Variants in VRK2 observed in about 807,000 individuals in gnomAD.
VRK2 encodes the protein serine/threonine-protein kinase VRK2.
Under a neutral mutation model 57.6 loss-of-function variants are expected in VRK2, and 60 were observed. That is an observed-to-expected ratio of 1.04 (90% CI 0.85 to 1.29). VRK2 has a LOEUF of 1.29. VRK2 is among the 50% of genes most tolerant of loss of function. The pLI is 0.00. For synonymous variants in VRK2, 231 were observed against 199.2 expected (o/e 1.16, Z -1.35); for missense variants, 705 against 588.1 (o/e 1.20, Z -2.06).
chr2:57,920,603 A>G (rs1670309192), intron 1 of VRK2, among the ~76,000 whole-genome samples: 1 of 152,114 alleles, frequency 6.6e-6, no homozygotes, highest in Non-Finnish European at 1.5e-5. Flanking sequence ...ATCGGTGACC[A>G]TAGGGTACGC....
chr2:58,063,414 T>C (rs535784267), intron 2 of VRK2, among the ~76,000 whole-genome samples: 1 of 152,000 alleles, frequency 6.6e-6, no homozygotes, highest in Non-Finnish European at 1.5e-5. Context: ...AAAAATGTAT[T>C]GTACTTGGGT....
chr2:57,935,225 G>A (rs1372679014), intron 1 of VRK2, among the ~76,000 whole-genome samples: 1 of 152,138 alleles, frequency 6.6e-6, no homozygotes, highest in East Asian at 1.9e-4. Flanking sequence ...AATTTTGGCA[G>A]AAAAAATGCC....
chr2:58,084,176 T>C (rs752676871), intron 3 of VRK2, 38 bp downstream of exon 3: 1 of 1,560,028 alleles, frequency 6.4e-7, no homozygotes, highest in East Asian at 2.3e-5. Flanking sequence ...CACATATATT[T>C]GACTTTTTCC....
intron 1 of VRK2, among the ~76,000 whole-genome samples, chr2:58,004,060 ACT>A (rs1053140348): frequency 1.2e-4 from 19 of 152,002 alleles, no homozygotes; most frequent in African/African-American, 4.6e-4. Context: ...ATAGTTTTTG[ACT>A]CTTTCTCAGA....
chr2:58,135,011 G>A (rs1392274785), intron 9 of VRK2, 130 bp from the exon 10 acceptor site: 19 of 880,698 alleles, frequency 2.2e-5, no homozygotes, highest in Non-Finnish European at 2.5e-5. Context: ...TTATAGTTGG[G>A]TGACAAAAAA....
chr2:58,021,499 A>T (rs1167409792), intron 1 of VRK2, among the ~76,000 whole-genome samples: 2 of 152,234 alleles, frequency 1.3e-5, no homozygotes, highest in African/African-American at 4.8e-5. Flanking sequence ...TATTGTCTCC[A>T]AGATACTGCA....
chr2:58,129,398 A>G (rs1573282353), intron 8 of VRK2, among the ~76,000 whole-genome samples: 2 of 152,186 alleles, frequency 1.3e-5, no homozygotes, highest in East Asian at 3.8e-4. Context: ...AATGTAAAAT[A>G]TTAGTGGCAG....
chr2:57,999,313 AG>A (rs1286318807), intron 1 of VRK2, among the ~76,000 whole-genome samples: 1 of 152,178 alleles, frequency 6.6e-6, no homozygotes, highest in Non-Finnish European at 1.5e-5. Context: ...GTTTACTACA[AG>A]TTTTGGTAGA....
intron 1 of VRK2, among the ~76,000 whole-genome samples, chr2:58,001,640 A>G (rs1378945034): frequency 1.3e-5 from 2 of 152,040 alleles, no homozygotes; most frequent in African/African-American, 4.8e-5. Context: ...TGCCCAACTT[A>G]ATGAAACCCC....
At chr2:57,951,374 C>A (rs1485868277) in intron 1 of VRK2, among the ~76,000 whole-genome samples, 1 of 152,112 alleles carries the variant, frequency 6.6e-6, no homozygotes, top group African/African-American at 2.4e-5. Context: ...AAGTGGTTTC[C>A]TGAGATAGTA....
Position 57,983,338 on chromosome 2 carries a change from G to T in VRK2, c.-438-42327G>T, listed in dbSNP as rs144251767. The stretch of plus-strand genomic sequence containing the variant: ...CCAGGAAAGGTTCTCAGCTTTTAAG[G>T]ACTCATTTGATTAGATTGGGCCCAC... On this transcript the variant is annotated intron_variant, in intron 1 of 15. Transcript: ENST00000417641. 7.0e-4 allele frequency among the ~76,000 whole-genome samples: 106 copies of T among 152,166 alleles called. 3 individuals are homozygous for T. The East Asian group carries it at 0.019, about 27-fold the overall frequency.
rs547121181 is a variant in VRK2 at position 58,106,224 on chromosome 2, C to G, written c.543+16501C>G. Among the ~76,000 whole-genome samples the G allele has an allele frequency of 2.0e-5, 3 of 151,934 alleles. No homozygotes were observed. The South Asian group carries it at 6.2e-4, about 32-fold the overall frequency. ...GTCAAAAGGACAAGTTGGAAATAGA[C>G]TGTAATTGGAAAGATTTTCTATAAT... On this transcript the variant is annotated intron_variant, in intron 7 of 12. Coordinates refer to ENST00000340157, the MANE Select transcript of VRK2 (RefSeq NM_006296.7).
chr2:58,119,474 C>G (rs1180174654), intron 7 of VRK2, among the ~76,000 whole-genome samples: 2 of 109,534 alleles, frequency 1.8e-5, no homozygotes, highest in Non-Finnish European at 3.8e-5. Flanking sequence ...GAGACTCCAT[C>G]TCAAAAAAAA....
At chr2:57,921,634 A>G (rs1479426067) in intron 1 of VRK2, among the ~76,000 whole-genome samples, 1 of 152,150 alleles carries the variant, frequency 6.6e-6, no homozygotes, top group Non-Finnish European at 1.5e-5. Context: ...AGGTGCCTCT[A>G]CAAAACTGAG....
At chr2:57,979,632 T>C (rs766954318) in intron 1 of VRK2, among the ~76,000 whole-genome samples, 12 of 152,252 alleles carry the variant, frequency 7.9e-5, no homozygotes, top group Admixed American at 5.2e-4. Context: ...CTCTTCTTTA[T>C]ATATCTGCTA....
At chr2:58,110,974 C>A (rs1675480094) in intron 7 of VRK2, among the ~76,000 whole-genome samples, 1 of 152,124 alleles carries the variant, frequency 6.6e-6, no homozygotes, top group Admixed American at 6.5e-5. Flanking sequence ...ACCCAGTGGT[C>A]CTGCCCCTAG....
chr2:58,104,002 A>T (rs537597508), intron 7 of VRK2, among the ~76,000 whole-genome samples: 1 of 151,890 alleles, frequency 6.6e-6, no homozygotes, highest in Non-Finnish European at 1.5e-5. Context: ...GCAGAAAAAA[A>T]GCATGTGATA....
At chr2:57,987,231 C>T (rs1672624780) in intron 1 of VRK2, among the ~76,000 whole-genome samples, 1 of 151,936 alleles carries the variant, frequency 6.6e-6, no homozygotes, top group African/African-American at 2.4e-5. Context: ...AAACCACAAA[C>T]CAAGAAAAAA....
intron 3 of VRK2, among the ~76,000 whole-genome samples, chr2:58,039,084 C>A (rs1674364580): frequency 6.6e-6 from 1 of 151,972 alleles, no homozygotes; most frequent in Non-Finnish European, 1.5e-5. Flanking sequence ...TGATAAAAAT[C>A]AAGATGTGAA....
Sources: gnomAD v4.1 joint callset for allele counts (sites outside exome capture counted in the v4.1 genomes callset) on GRCh38, gnomAD v4.1.1 for gene constraint, MANE v1.5 for transcripts, NCBI Gene and HGNC (gene_info 2026-07-23, HGNC 2026-07-21) for gene names.